FANCB: variants seen among roughly 807,000 people sequenced by gnomAD.
FANCB encodes the protein Fanconi anemia group B protein.
In FANCB, 5 loss-of-function variants were observed where a neutral mutation model predicts 38.9. The observed-to-expected ratio is 0.13, with a 90% CI of 0.07 to 0.27. The LOEUF is 0.27. Ranked by LOEUF, FANCB falls within the 10% of genes least tolerant of loss-of-function variation. The pLI, the probability that FANCB is intolerant of heterozygous loss-of-function variation, is 1.00. For synonymous variants in FANCB, 236 were observed against 215.4 expected, an observed-to-expected ratio of 1.10 and a Z score of -0.84; for missense variants, 573 against 602.7, an observed-to-expected ratio of 0.95 and a Z score of 0.52.
intron 3 of FANCB, 114 bp downstream of exon 3, chrX:14,864,446 C>T: frequency 5.6e-6 from 3 of 537,717 alleles, no homozygotes; most frequent in South Asian, 5.1e-5. Flanking sequence ...ATTTCATGTA[C>T]AGAACTGAAA....
At chrX:14,700,285 TGGA>T in the FANCB span, among the ~76,000 whole-genome samples, 3 of 107,873 alleles carry the variant, frequency 2.8e-5, no homozygotes, top group Non-Finnish European at 5.8e-5. Context: ...AGAAGAGAAG[TGGA>T]GGAGAAAGGT....
the FANCB span, among the ~76,000 whole-genome samples, chrX:14,765,782 A>G: frequency 8.9e-6 from 1 of 112,032 alleles, no homozygotes; most frequent in Non-Finnish European, 1.9e-5. Flanking sequence ...AAACATGAAA[A>G]TGGCAAATGC....
chrX:14,824,502 A>G, the FANCB span, among the ~76,000 whole-genome samples: 9 of 112,025 alleles, frequency 8.0e-5, no homozygotes, highest in Non-Finnish European at 1.5e-4. Context: ...TGTTTCCTTC[A>G]GAGGCTATTA....
the FANCB span, among the ~76,000 whole-genome samples, chrX:14,692,468 G>A: frequency 6.9e-4 from 77 of 111,895 alleles, no homozygotes; most frequent in African/African-American, 2.5e-3. Context: ...GTCAGTGGAT[G>A]GTTTAAGTCC....
intron 2 of FANCB, among the ~76,000 whole-genome samples, chrX:14,868,059 C>T (rs2092478248): frequency 9.0e-6 from 1 of 111,229 alleles, no homozygotes; most frequent in Non-Finnish European, 1.9e-5. Flanking sequence ...CAAAGGATAA[C>T]AAAGGTTGGC....
chrX:14,786,374 T>C, the FANCB span, among the ~76,000 whole-genome samples: 3 of 110,953 alleles, frequency 2.7e-5, no homozygotes, highest in South Asian at 1.2e-3. Context: ...AAAAGCCTTG[T>C]CTCAGCACCT....
downstream of FANCB, among the ~76,000 whole-genome samples, chrX:14,841,533 A>C (rs5935812): frequency 0.37 from 40,924 of 110,704 alleles, 5,793 homozygotes; most frequent in East Asian, 0.81. Flanking sequence ...TCACTTGTGT[A>C]CTATTAGAAT....
the FANCB span, among the ~76,000 whole-genome samples, chrX:14,807,963 T>C: frequency 8.2e-5 from 9 of 110,348 alleles, no homozygotes; most frequent in African/African-American, 3.0e-4. Context: ...AAGAAGAAAA[T>C]CTGGAAAAAA....
chrX:14,749,545 A>G, the FANCB span, among the ~76,000 whole-genome samples: 1 of 111,950 alleles, frequency 8.9e-6, no homozygotes, highest in Non-Finnish European at 1.9e-5. Context: ...ATTGATACAT[A>G]AAATTCGTAT....
chrX:14,714,937 C>G, the FANCB span, among the ~76,000 whole-genome samples: 1 of 112,078 alleles, frequency 8.9e-6, no homozygotes, highest in Non-Finnish European at 1.9e-5. Flanking sequence ...TAATGTTATA[C>G]AAATACTCCT....
the FANCB span, among the ~76,000 whole-genome samples, chrX:14,720,509 G>C: frequency 9.0e-6 from 1 of 111,032 alleles, no homozygotes; most frequent in Non-Finnish European, 1.9e-5. Flanking sequence ...AACTGTTATA[G>C]ACTCTTCCAT....
the FANCB span, among the ~76,000 whole-genome samples, chrX:14,796,510 A>G: frequency 1.0e-5 from 1 of 97,750 alleles, no homozygotes; most frequent in African/African-American, 3.7e-5. Context: ...TAACATATAT[A>G]ATATATAACA....
intron 7 of FANCB, among the ~76,000 whole-genome samples, chrX:14,845,549 G>A (rs1173836963): frequency 1.3e-4 from 14 of 111,449 alleles, no homozygotes; most frequent in Admixed American, 1.1e-3. Flanking sequence ...TAAGATAGAG[G>A]AATGGTATTA....
At chrX:14,795,372 C>T in the FANCB span, among the ~76,000 whole-genome samples, 1 of 111,842 alleles carries the variant, frequency 8.9e-6, no homozygotes, top group South Asian at 3.7e-4. Flanking sequence ...AATACACTGC[C>T]CTTGCCTTCT....
the FANCB span, among the ~76,000 whole-genome samples, chrX:14,794,049 G>GT: frequency 9.0e-6 from 1 of 111,660 alleles, no homozygotes; most frequent in Non-Finnish European, 1.9e-5. Context: ...TTGTTTGTTT[G>GT]TTTTTTGTAG....
At chrX:14,759,229 T>G in the FANCB span, among the ~76,000 whole-genome samples, 2 of 111,724 alleles carry the variant, frequency 1.8e-5, no homozygotes, top group Non-Finnish European at 3.8e-5. Flanking sequence ...TTATGTTAAA[T>G]GACCAAACCT....
chrX:14,804,271 T>G, the FANCB span, among the ~76,000 whole-genome samples: 1 of 112,071 alleles, frequency 8.9e-6, no homozygotes, highest in Non-Finnish European at 1.9e-5. Flanking sequence ...TAAGAAAATG[T>G]GGCACATATA....
At chrX:14,866,595 C>T (rs1168523855) in intron 2 of FANCB, among the ~76,000 whole-genome samples, 1 of 111,224 alleles carries the variant, frequency 9.0e-6, no homozygotes, top group East Asian at 2.8e-4. Flanking sequence ...TGAACAAACT[C>T]ATTGTAAGAA....
At chrX:14,852,194 G>GT (rs1362257061) in intron 6 of FANCB, among the ~76,000 whole-genome samples, 1 of 105,182 alleles carries the variant, frequency 9.5e-6, no homozygotes, top group East Asian at 3.0e-4. Flanking sequence ...TTGAGACGGA[G>GT]TTTCGCTCTT....
Sources: allele counts gnomAD v4.1 joint callset (sites outside exome capture counted in the v4.1 genomes callset), GRCh38; gene constraint gnomAD v4.1.1; transcripts MANE v1.5; gene names NCBI Gene and HGNC (gene_info 2026-07-23, HGNC 2026-07-21).